The following GCN1 variants were observed in gnomAD, a reference collection of about 807,000 sequenced individuals.
The protein encoded by GCN1 is GCN1 activator of EIF2AK4, also known as stalled ribosome sensor GCN1.
Under a neutral mutation model 288.4 loss-of-function variants are expected in GCN1, and 90 were observed. The observed-to-expected ratio is 0.31, with a 90% CI of 0.26 to 0.37. The LOEUF (loss-of-function observed/expected upper bound fraction) is 0.37, where lower values mean the gene tolerates loss of function less well. GCN1 is among the 10% of genes least tolerant of loss of function. GCN1 has a pLI of 1.00. For synonymous variants in GCN1, 1,386 were observed against 1,420.2 expected, an observed-to-expected ratio of 0.98 and a Z score of 0.54; for missense variants, 2,586 against 3,419.9, an observed-to-expected ratio of 0.76 and a Z score of 6.08.
At chr12:120,177,651 T>C (rs1355518077) in intron 8 of GCN1, 33 bp downstream of exon 8, 2 of 1,580,544 alleles carry the variant, frequency 1.3e-6, no homozygotes, top group African/African-American at 1.3e-5. Context: ...TGGGATCAGT[T>C]GTCCAGGTGA....
In GCN1 at chr12:120,176,124, G is replaced by A. The variant is rs751693277; in HGVS notation, c.913+19C>T. On this transcript the variant is annotated intron_variant, in intron 10 of 57. Transcript: ENST00000300648. Reference sequence around the variant, plus strand: ...CCCAAGGTGACACTTATGGGCTGGAGAGGGGCTGGGATACTCACCAGCCAG... The same window carrying A: ...CCCAAGGTGACACTTATGGGCTGGAAAGGGGCTGGGATACTCACCAGCCAG... The A allele has an allele frequency of 6.4e-7, 1 of 1,571,644 alleles. No individual in the cohort carries two copies. The highest frequency in any genetic ancestry group is 8.8e-7 in the Non-Finnish European group (1 of 1,141,244).
chr12:120,149,493 C>T, intron 36 of GCN1, 113 bp downstream of exon 36: 2 of 745,724 alleles, frequency 2.7e-6, no homozygotes, highest in Non-Finnish European at 4.8e-6. Context: ...AGTCTTAACC[C>T]TATCCCTGGT....
chr12:120,173,630 A>G (rs1266470124), intron 14 of GCN1, 23 bp downstream of exon 14: 22 of 1,484,838 alleles, frequency 1.5e-5, no homozygotes, highest in Admixed American at 8.4e-5. Context: ...AGACCTGGAC[A>G]CTAGCCCTGG....
rs1877986658 is a variant in GCN1, at chr12:120,163,172, C to A, written c.1936G>T (p.Ala646Ser). The change falls in exon 19 of 58, where the codon GCT becomes TCT. Residue 646 changes from alanine to serine, a missense_variant. Physicochemically the swap from Ala to Ser is moderately conservative, Grantham distance 99. Around this residue, in one of 8 missense-constraint regions of GCN1, gnomAD observed 913 missense variants for 1,107.0 expected, o/e 0.82. Transcript: ENST00000300648. ...GGCACACCGGAGATGACACACAGAG[C>A]CTCCTGCAGGACCCGTGGAGGCACG... is the stretch of plus-strand genomic sequence containing the variant. Reference protein sequence around the residue: ...AYVPPRVLQEALCVISGVPGL... With the variant: ...AYVPPRVLQESLCVISGVPGL... 1 of 1,614,034 alleles carries A rather than the reference C, an allele frequency of 6.2e-7. No individual in the cohort carries two copies. Among genetic ancestry groups the A allele is most frequent in the African/African-American group, 1.3e-5 (1 of 74,952 alleles).
intron 2 of GCN1, among the ~76,000 whole-genome samples, chr12:120,186,705 T>C (rs1054932862): frequency 3.9e-5 from 6 of 152,142 alleles, no homozygotes; most frequent in African/African-American, 1.4e-4. Context: ...CAGAAACAGG[T>C]TGTGGCTAAG....
rs768362266 is a variant in GCN1, at chr12:120,145,059, C to T, written c.5019G>A (p.Val1673=). ...CAAGGGCCTTTGCAGATACGGTCCG[C>T]ACCTGTCAGGTAACCGAGAGCAGAG... ...KASLLDPVPE[V]RTVSAKALGA... is the part of the protein sequence containing the mutation. Residue 1673 remains valine, a splice_region_variant and synonymous_variant, in exon 40 of 58, where the codon GTG becomes GTA. Transcript: ENST00000300648. The T allele has an allele frequency of 4.3e-6, 7 of 1,614,006 alleles. No homozygotes were observed. The highest frequency in any genetic ancestry group is 1.1e-5 in the South Asian group (1 of 91,088).
chr12:120,190,216 C>T (rs1878959267), intron 2 of GCN1, 82 bp downstream of exon 2: 2 of 734,860 alleles, frequency 2.7e-6, no homozygotes, highest in East Asian at 2.6e-5. Context: ...CAGTGAGAGA[C>T]TCTGTCTCAA....
At chr12:120,169,188 C>T (rs1367664561) in intron 15 of GCN1, among the ~76,000 whole-genome samples, 8 of 142,970 alleles carry the variant, frequency 5.6e-5, no homozygotes, top group Non-Finnish European at 9.1e-5. Context: ...CCCAGCCACT[C>T]GGAAGGCTGA....
chr12:120,183,975 C>G, intron 4 of GCN1, 137 bp downstream of exon 4: 1 of 819,712 alleles, frequency 1.2e-6, no homozygotes, highest in South Asian at 1.8e-5. Flanking sequence ...TGTTTCCCAA[C>G]CCTGCTCCTC....
chr12:120,148,330 A>G lies in GCN1; in HGVS notation c.4563T>C (p.Leu1521=). ...TAGGAGCACAGTACGCCATTGCCCC[A>G]AGAAGCTCCACTGACCCTGTGGATA... ...WRTKAGSVEL[L]GAMAYCAPKQ... The change falls in exon 37 of 58, where the codon CTT becomes CTC. Residue 1521 remains leucine (L), a synonymous_variant. Transcript: ENST00000300648. 6.2e-7 allele frequency: 1 copy of G among 1,613,464 alleles called. No homozygotes were observed. Among genetic ancestry groups the G allele is most frequent in the Non-Finnish European group, 8.5e-7 (1 of 1,179,592 alleles).
chr12:120,163,392 T>A (rs1025157723), intron 18 of GCN1, 133 bp from the exon 19 acceptor site: 4 of 675,868 alleles, frequency 5.9e-6, no homozygotes, highest in Non-Finnish European at 1.0e-5. Context: ...TAGAAATGGA[T>A]GCCCAGCTTC....
chr12:120,127,956 C>T lies in GCN1; in HGVS notation c.7909G>A (p.Asp2637Asn). 1 of 1,614,038 alleles carries T rather than the reference C, an allele frequency of 6.2e-7. No homozygotes were observed. The highest frequency in any genetic ancestry group is 8.5e-7 in the Non-Finnish European group (1 of 1,179,938). The change falls in exon 58 of 58, where the codon GAT becomes AAT. Residue 2637 changes from aspartate (D) to asparagine (N), a missense_variant. Asp to Asn is a conservative substitution (Grantham distance 23). Coordinates refer to ENST00000300648, the MANE Select transcript of GCN1 (RefSeq NM_006836.2). ...TTCAGCACCTCCAAACTGGCCACATCCAGGATCTTGGAGAGGGACTGTGGG... is the reference window on the plus strand; with the variant it reads ...TTCAGCACCTCCAAACTGGCCACATTCAGGATCTTGGAGAGGGACTGTGGG... ...EVFQSLSKIL[D>N]VASLEVLNEV...
chr12:120,162,266 T>C (rs1877956740), intron 20 of GCN1: 1 of 579,884 alleles, frequency 1.7e-6, no homozygotes, highest in African/African-American at 1.9e-5. Context: ...GCACCTGACG[T>C]GAGGTGATAC....
In GCN1 at chr12:120,164,730, G is replaced by A. The variant is rs1371421678; in HGVS notation, c.1613-9C>T. On this transcript the variant is annotated splice_polypyrimidine_tract_variant and intron_variant, in intron 16 of 57. Transcript: ENST00000300648. The stretch of plus-strand genomic sequence containing the variant: ...CAACACAGTACACAGGGCTTGGAGG[G>A]AAGAAAAGGAATGGAAGTGTTTTTA... The A allele has an allele frequency of 6.3e-7, 1 of 1,593,726 alleles. No individual in the cohort carries two copies. Among genetic ancestry groups the A allele is most frequent in the Admixed American group, 1.7e-5 (1 of 59,928 alleles).
At chr12:120,180,340 G>T (rs1352147198) in intron 5 of GCN1, among the ~76,000 whole-genome samples, 1 of 151,826 alleles carries the variant, frequency 6.6e-6, no homozygotes, top group African/African-American at 2.4e-5. Context: ...ATAAAGGCCA[G>T]GTGCAATGGT....
intron 42 of GCN1, among the ~76,000 whole-genome samples, chr12:120,143,448 G>A (rs2139093601): frequency 6.6e-6 from 1 of 152,290 alleles, no homozygotes; most frequent in Non-Finnish European, 1.5e-5. Context: ...CAGGCGTGCT[G>A]GCAGGTGCCT....
chr12:120,169,276 C>CAAAAAAAAAAAAAAAAAAAAA (rs35819206), intron 15 of GCN1, among the ~76,000 whole-genome samples: 10 of 66,666 alleles, frequency 1.5e-4, no homozygotes, highest in African/African-American at 2.0e-4. Flanking sequence ...AACTCCGTCT[C>CAAAAAAAAAAAAAAAAAAAAA]AAAAAAAAAA....
Position 120,176,187 on chromosome 12 carries a change from A to C in GCN1, c.869T>G (p.Leu290Arg). 1 of 1,612,186 alleles carries C rather than the reference A, an allele frequency of 6.2e-7. No homozygotes were observed. Among genetic ancestry groups the C allele is most frequent in the Non-Finnish European group, 8.5e-7 (1 of 1,178,158 alleles). The change falls in exon 10 of 58, where the codon CTT becomes CGT. Residue 290 changes from leucine (L) to arginine (R), a missense_variant. Around this residue, in one of 8 missense-constraint regions of GCN1, gnomAD observed 913 missense variants for 1,107.0 expected, o/e 0.82. Transcript: ENST00000300648. ...TISSLLASVT[L>R]DLSQYAMDIV... ...GTCCATGGCATACTGGCTGAGGTCA[A>C]GCGTCACTGATGCCAGCAGACTAGA...
chr12:120,168,169 G>T, intron 16 of GCN1, 39 bp downstream of exon 16: 2 of 1,167,722 alleles, frequency 1.7e-6, no homozygotes, highest in Non-Finnish European at 2.6e-6. Flanking sequence ...AAGAGACTTT[G>T]CCTCAATCCC....
Sources: allele counts gnomAD v4.1 joint callset (sites outside exome capture counted in the v4.1 genomes callset), GRCh38; gene constraint gnomAD v4.1.1; regional missense constraint gnomAD v4.1.1; transcripts MANE v1.5; gene names NCBI Gene and HGNC (gene_info 2026-07-23, HGNC 2026-07-21).